CLIP1: variants seen among roughly 807,000 people sequenced by gnomAD.
CLIP1 encodes CAP-Gly domain-containing linker protein 1.
In CLIP1, 66 loss-of-function variants were observed where a neutral mutation model predicts 161.6. The observed-to-expected ratio is 0.41, with a 90% CI of 0.33 to 0.50. The LOEUF is 0.50. Ranked by LOEUF, CLIP1 falls within the 20% of genes least tolerant of loss-of-function variation. The probability of loss-of-function intolerance (pLI) is 0.27; values close to 1 mark genes in which losing one functional copy is unlikely to be tolerated. For synonymous variants in CLIP1, 598 were observed against 626.2 expected (o/e 0.96, Z 0.67); for missense variants, 1,376 against 1,702.0 (o/e 0.81, Z 3.37).
intron 15 of CLIP1, among the ~76,000 whole-genome samples, chr12:122,330,827 T>C (rs187117675): frequency 4.6e-5 from 7 of 151,792 alleles, no homozygotes; most frequent in African/African-American, 1.5e-4. Context: ...GTTCTTGAAC[T>C]CCTGACCTCG....
chr12:122,404,576 G>A (rs556384645), intron 1 of CLIP1, among the ~76,000 whole-genome samples: 1 of 150,334 alleles, frequency 6.7e-6, no homozygotes, highest in East Asian at 2.0e-4. Flanking sequence ...CTCCAGCCTG[G>A]GCAACAGAGC....
At chr12:122,415,034 G>T (rs1386063428) in intron 1 of CLIP1, among the ~76,000 whole-genome samples, 1 of 151,820 alleles carries the variant, frequency 6.6e-6, no homozygotes, top group Non-Finnish European at 1.5e-5. Context: ...CTCCAGCCTC[G>T]GCGACGGAGT....
chr12:122,275,625 TAC>T (rs10594709), intron 24 of CLIP1: 12,470 of 114,894 alleles, frequency 0.11, 1,727 homozygotes, highest in African/African-American at 0.34. Flanking sequence ...AAGAAAAAAA[TAC>T]ACACACACAC....
At chr12:122,313,907 AG>A (rs1168373675) in intron 19 of CLIP1, among the ~76,000 whole-genome samples, 1 of 152,126 alleles carries the variant, frequency 6.6e-6, no homozygotes, top group Non-Finnish European at 1.5e-5. Context: ...CTGTAATCCC[AG>A]CACTTTGGGA....
Position 122,377,414 on chromosome 12 carries a change from T to A in CLIP1, c.632A>T (p.Glu211Val). 1 of 1,613,750 alleles carries A rather than the reference T, an allele frequency of 6.2e-7. No individual in the cohort carries two copies. The highest frequency in any genetic ancestry group is 1.7e-5 in the Admixed American group (1 of 59,888). The change falls in exon 3 of 26, where the codon GAG (glutamate) becomes GTG (valine). Residue 211 changes from glutamate (E) to valine (V), a missense_variant. Transcript: ENST00000620786. Reference sequence around the variant, plus strand: ...CAATACTCTGTCTCCGATTTTGAGCTCTCTTTCTCCTTTCTTGATTGAGCC... The same window carrying A: ...CAATACTCTGTCTCCGATTTTGAGCACTCTTTCTCCTTTCTTGATTGAGCC... Reference protein sequence around the residue: ...EAGSIKKGERELKIGDRVLVG... With the variant: ...EAGSIKKGERVLKIGDRVLVG...
intron 21 of CLIP1, among the ~76,000 whole-genome samples, chr12:122,283,395 G>GA (rs534125991): frequency 2.7e-5 from 4 of 147,958 alleles, no homozygotes; most frequent in Admixed American, 1.3e-4. Context: ...AAAACAAAAA[G>GA]AAAAAAAACC....
chr12:122,293,559 A>C (rs978019952), intron 20 of CLIP1, among the ~76,000 whole-genome samples: 1 of 151,696 alleles, frequency 6.6e-6, no homozygotes, highest in Admixed American at 6.6e-5. Flanking sequence ...GCTCACTGCA[A>C]CCTGTGCCTC....
intron 2 of CLIP1, 90 bp downstream of exon 2, chr12:122,380,278 A>G: frequency 1.2e-6 from 1 of 807,534 alleles, no homozygotes. Flanking sequence ...ATTTTCAAGA[A>G]TATGAACAGA....
At chr12:122,351,230 CTT>C in intron 8 of CLIP1, 87 bp from the exon 9 acceptor site, 2 of 810,146 alleles carry the variant, frequency 2.5e-6, no homozygotes, top group Non-Finnish European at 1.8e-6. Context: ...TTCAAGATAA[CTT>C]TATTTGATTA....
intron 21 of CLIP1, among the ~76,000 whole-genome samples, chr12:122,283,981 G>T (rs1368488533): frequency 1.3e-5 from 2 of 152,048 alleles, no homozygotes; most frequent in African/African-American, 4.8e-5. Flanking sequence ...AGTATATTAA[G>T]TTCTTTTTGG....
intron 19 of CLIP1, among the ~76,000 whole-genome samples, chr12:122,313,302 G>A (rs1951131991): frequency 6.6e-6 from 1 of 152,204 alleles, no homozygotes. Flanking sequence ...AGGGATCAGA[G>A]GTCTGGGGAG....
At chr12:122,341,818 T>C in intron 10 of CLIP1, 121 bp from the exon 11 acceptor site, 1 of 626,948 alleles carries the variant, frequency 1.6e-6, no homozygotes, top group Non-Finnish European at 2.4e-6. Flanking sequence ...AGTTTCGCTC[T>C]TCTTACCCAG....
intron 3 of CLIP1, among the ~76,000 whole-genome samples, chr12:122,368,003 T>C (rs1025068842): frequency 6.6e-6 from 1 of 152,046 alleles, no homozygotes; most frequent in African/African-American, 2.4e-5. Context: ...AACTAAAAGA[T>C]AGATTCCCAT....
rs1375611579 is a variant in CLIP1 at position 122,340,936 on chromosome 12, GGTTT to G, written c.2264_2267del (p.Gln755ProfsTer35). 1 of 1,614,048 alleles carries G rather than the reference GGTTT, an allele frequency of 6.2e-7. No homozygotes were observed. Among genetic ancestry groups the G allele is most frequent in the Non-Finnish European group, 8.5e-7 (1 of 1,180,004 alleles). On this transcript the variant is annotated frameshift_variant, in exon 11 of 26. Transcript: ENST00000620786. LOFTEE classifies it high-confidence loss of function. ...GTGATGTAAAATTATCAATAACCTT[GGTTT>G]GTTCATTGCATTTGGCTTGCAGTAC...
At chr12:122,380,143 T>G (rs1038894141) in intron 2 of CLIP1, among the ~76,000 whole-genome samples, 2 of 150,806 alleles carry the variant, frequency 1.3e-5, no homozygotes, top group African/African-American at 4.9e-5. Flanking sequence ...CTTGGGAGGC[T>G]GAGGCAGGAG....
chr12:122,323,837 T>A lies in CLIP1; in HGVS notation c.3249+4110A>T, dbSNP rs1208182311. ...CCTTTGAAGCTTCTGAATGATGTCATCCTTATCTTTGGCCAAGATGAAGTT... is the reference window on the plus strand; with the variant it reads ...CCTTTGAAGCTTCTGAATGATGTCAACCTTATCTTTGGCCAAGATGAAGTT... On this transcript the variant is annotated intron_variant, in intron 17 of 25. Transcript: ENST00000620786. The surrounding 1 kb of genome is among the most constrained non-coding windows in gnomAD (Gnocchi z 4.1). 2.0e-5 allele frequency: 3 copies of A among 152,674 alleles called. No homozygotes were observed. Among genetic ancestry groups the A allele is most frequent in the East Asian group, 1.9e-4 (1 of 5,190 alleles). The allele number at this position is 152,674 out of a possible 1,614,324, so 9.5% of individuals were successfully genotyped here.
chr12:122,381,822 A>G (rs1955024389), intron 1 of CLIP1, among the ~76,000 whole-genome samples: 1 of 152,260 alleles, frequency 6.6e-6, no homozygotes, highest in African/African-American at 2.4e-5. Flanking sequence ...AGCACCTGTG[A>G]AAGTGATCTT....
rs1040984598 is a variant in CLIP1 at position 122,278,817 on chromosome 12, GT to G, written c.3890del (p.Asn1297ThrfsTer30). The G allele has an allele frequency of 1.2e-6, 2 of 1,606,870 alleles. No individual in the cohort carries two copies. Among genetic ancestry groups the G allele is most frequent in the Non-Finnish European group, 1.7e-6 (2 of 1,177,250 alleles). On this transcript the variant is annotated frameshift_variant, in exon 23 of 26. Coordinates refer to ENST00000620786, the MANE Select transcript of CLIP1 (RefSeq NM_001247997.2). LOFTEE classifies it high-confidence loss of function. ...VKNLELQLKE[N>X]KRQLSSSSGN... is the part of the protein sequence containing the mutation. Reference sequence around the variant, plus strand: ...CTGAGGAGCTGCTGAGCTGCCTCTTGTTTTCTTTGAGTTGAAGCTCCAAGTT... The same window carrying G: ...CTGAGGAGCTGCTGAGCTGCCTCTTGTTTCTTTGAGTTGAAGCTCCAAGTT...
chr12:122,346,779 A>C (rs1261585135), intron 10 of CLIP1, among the ~76,000 whole-genome samples: 1 of 152,172 alleles, frequency 6.6e-6, no homozygotes, highest in Admixed American at 6.5e-5. Flanking sequence ...CTGGGATAAG[A>C]AGCAAGAGCC....
Sources: allele counts gnomAD v4.1 joint callset (sites outside exome capture counted in the v4.1 genomes callset), GRCh38; gene constraint gnomAD v4.1.1; non-coding constraint Gnocchi (gnomAD v3.1); transcripts MANE v1.5; gene names NCBI Gene and HGNC (gene_info 2026-07-23, HGNC 2026-07-21).